FRMD5: variants seen among roughly 807,000 people sequenced by gnomAD.
FRMD5 encodes FERM domain containing 5, also known as FERM domain-containing protein 5.
FRMD5 carries 20 observed loss-of-function variants against 69.0 expected under a neutral mutation model. The ratio of observed to expected loss-of-function variants is 0.29; its 90% CI spans 0.20 to 0.42. The LOEUF is 0.42. Ranked by LOEUF, FRMD5 falls within the 10% of genes least tolerant of loss-of-function variation. The probability of loss-of-function intolerance (pLI) is 1.00; values close to 1 mark genes in which losing one functional copy is unlikely to be tolerated. For missense variants in FRMD5, 595 were observed against 708.6 expected, an observed-to-expected ratio of 0.84 and a Z score of 1.82; for synonymous variants, 271 against 260.1, an observed-to-expected ratio of 1.04 and a Z score of -0.40.
At chr15:43,975,859 T>G (rs2140598481) in intron 1 of FRMD5, among the ~76,000 whole-genome samples, 2 of 152,272 alleles carry the variant, frequency 1.3e-5, no homozygotes, top group Admixed American at 1.3e-4. Flanking sequence ...TAATATGATC[T>G]AGATTCAAGA....
intron 13 of FRMD5, among the ~76,000 whole-genome samples, chr15:43,883,477 T>TAACCCAGC (rs746077763): frequency 2.4e-4 from 37 of 152,306 alleles, no homozygotes; most frequent in Admixed American, 5.9e-4. Flanking sequence ...CCCAAAGGGC[T>TAACCCAGC]AACCCAGCAC....
At chr15:43,876,876 G>C (rs898151975) in intron 13 of FRMD5, among the ~76,000 whole-genome samples, 3 of 152,128 alleles carry the variant, frequency 2.0e-5, no homozygotes, top group Admixed American at 1.3e-4. Context: ...ATCTTGTTGC[G>C]GGGGTGGATT....
intron 2 of FRMD5, 135 bp from the exon 3 acceptor site, chr15:43,919,944 T>A (rs1252954911): frequency 3.9e-6 from 3 of 774,744 alleles, no homozygotes; most frequent in South Asian, 1.6e-5. Context: ...AAAGATAAGT[T>A]TGGTGAGTAA....
At chr15:44,034,362 C>T (rs1484981027) in intron 1 of FRMD5, among the ~76,000 whole-genome samples, 1 of 152,158 alleles carries the variant, frequency 6.6e-6, no homozygotes, top group African/African-American at 2.4e-5. Context: ...TATTTGACTA[C>T]CTACTTATAT....
chr15:43,999,033 G>A lies in FRMD5; in HGVS notation c.103-74724C>T, dbSNP rs533787364. Among the ~76,000 whole-genome samples the A allele has an allele frequency of 2.6e-5, 4 of 152,246 alleles. No individual in the cohort carries two copies. The South Asian group carries it at 6.2e-4, about 24-fold the overall frequency. On this transcript the variant is annotated intron_variant, in intron 1 of 13. Coordinates refer to ENST00000417257, the MANE Select transcript of FRMD5 (RefSeq NM_032892.5). ...CAGACGATAATTTCATTCCTCAGCT[G>A]TTAACACTGTTTTTTCTCTCTTCAC...
chr15:44,134,739 C>T (rs776645065), intron 1 of FRMD5, among the ~76,000 whole-genome samples: 2 of 152,190 alleles, frequency 1.3e-5, no homozygotes, highest in Non-Finnish European at 2.9e-5. Context: ...CACGAGCCAA[C>T]GCGCCCAGCC....
At chr15:43,999,961 T>TATATATATATATATATGCCATGC (rs1890123567) in intron 1 of FRMD5, among the ~76,000 whole-genome samples, 1 of 75,938 alleles carries the variant, frequency 1.3e-5, no homozygotes. Flanking sequence ...TGCATATATA[T>TATATATATATATATATGCCATGC]ATATATATAT....
Position 43,919,766 on chromosome 15 carries a change from C to T in FRMD5, c.250+1G>A, listed in dbSNP as rs1207666268. The stretch of plus-strand genomic sequence containing the variant: ...TGAGTCTTTTCATGGAGAATACTTA[C>T]ATCTCAATTGTTTCACCACAGACTT... On this transcript the variant is annotated splice_donor_variant, in intron 3 of 13. Coordinates refer to ENST00000417257, the MANE Select transcript of FRMD5 (RefSeq NM_032892.5). LOFTEE classifies it high-confidence loss of function. 1 of 1,613,886 alleles carries T rather than the reference C, an allele frequency of 6.2e-7. No homozygotes were observed. The highest frequency in any genetic ancestry group is 8.5e-7 in the Non-Finnish European group (1 of 1,179,740).
At chr15:44,045,572 A>G (rs2140329431) in intron 1 of FRMD5, among the ~76,000 whole-genome samples, 2 of 152,350 alleles carry the variant, frequency 1.3e-5, no homozygotes, top group Middle Eastern at 3.4e-3. Context: ...TAAATTCAAC[A>G]TGGAAGATCA....
chr15:44,019,562 C>T (rs1294691440), intron 1 of FRMD5, among the ~76,000 whole-genome samples: 1 of 150,856 alleles, frequency 6.6e-6, no homozygotes. Flanking sequence ...ATGGTGAAAC[C>T]CCATCTCTAC....
At chr15:44,070,616 T>C (rs1164370218) in intron 1 of FRMD5, among the ~76,000 whole-genome samples, 3 of 152,202 alleles carry the variant, frequency 2.0e-5, no homozygotes, top group African/African-American at 7.2e-5. Flanking sequence ...AGATGATATA[T>C]ACGCCACACT....
At chr15:44,085,261 C>T (rs1047312181) in intron 1 of FRMD5, among the ~76,000 whole-genome samples, 1 of 152,054 alleles carries the variant, frequency 6.6e-6, no homozygotes, top group Non-Finnish European at 1.5e-5. Context: ...ACTTCTAGCC[C>T]TAACTCCTAT....
intron 1 of FRMD5, among the ~76,000 whole-genome samples, chr15:43,965,360 G>A (rs16952008): frequency 0.03 from 4,589 of 152,080 alleles, 198 homozygotes; most frequent in African/African-American, 0.097. Flanking sequence ...CATACACTGC[G>A]CCTAACTTTG....
At chr15:43,904,051 C>G (rs1416042775) in intron 6 of FRMD5, among the ~76,000 whole-genome samples, 1 of 152,170 alleles carries the variant, frequency 6.6e-6, no homozygotes, top group Non-Finnish European at 1.5e-5. Context: ...CGGGAAGCAT[C>G]TAAGATTCCA....
At chr15:43,994,790 C>T (rs1273844229) in intron 1 of FRMD5, among the ~76,000 whole-genome samples, 1 of 152,212 alleles carries the variant, frequency 6.6e-6, no homozygotes, top group Non-Finnish European at 1.5e-5. Context: ...GTAACTTACA[C>T]ACCGCCATTA....
At chr15:44,105,841 C>G (rs897267355) in intron 1 of FRMD5, among the ~76,000 whole-genome samples, 2 of 152,170 alleles carry the variant, frequency 1.3e-5, no homozygotes, top group African/African-American at 2.4e-5. Context: ...ACAATTTCTT[C>G]TTATTAAGCT....
intron 13 of FRMD5, among the ~76,000 whole-genome samples, chr15:43,878,557 T>C (rs138006127): frequency 1.6e-4 from 25 of 152,360 alleles, no homozygotes; most frequent in African/African-American, 6.0e-4. Context: ...CACATGCAGC[T>C]TGAGGAATAT....
At chr15:44,116,856 C>A (rs1369527263) in intron 1 of FRMD5, among the ~76,000 whole-genome samples, 1 of 151,916 alleles carries the variant, frequency 6.6e-6, no homozygotes, top group Non-Finnish European at 1.5e-5. Context: ...CTGAGGCGGG[C>A]GGATCACCTG....
chr15:44,084,769 T>A (rs1894128602), intron 1 of FRMD5, among the ~76,000 whole-genome samples: 1 of 152,120 alleles, frequency 6.6e-6, no homozygotes, highest in African/African-American at 2.4e-5. Flanking sequence ...AATTTGTTTT[T>A]TAAAAAGAAC....
Sources: allele counts gnomAD v4.1 joint callset (sites outside exome capture counted in the v4.1 genomes callset), GRCh38; gene constraint gnomAD v4.1.1; transcripts MANE v1.5; gene names NCBI Gene and HGNC (gene_info 2026-07-23, HGNC 2026-07-21).